Variants in TBK1 observed in about 807,000 individuals in gnomAD.
The protein encoded by TBK1 is TANK binding kinase 1.
A neutral mutation model predicts 99.9 loss-of-function variants in TBK1; 37 were observed. That is an observed-to-expected ratio of 0.37 (90% confidence interval 0.28 to 0.49). TBK1 has a LOEUF of 0.49. Among genes scored for constraint, TBK1 ranks in the 20% least tolerant of loss-of-function variants. The pLI is 0.98. For missense variants in TBK1, 644 were observed against 872.5 expected, an observed-to-expected ratio of 0.74 and a Z score of 3.30; for synonymous variants, 258 against 279.8, an observed-to-expected ratio of 0.92 and a Z score of 0.78.
chr12:64,490,436 C>G (rs1469132427), intron 13 of TBK1, among the ~76,000 whole-genome samples: 1 of 151,946 alleles, frequency 6.6e-6, no homozygotes, highest in Non-Finnish European at 1.5e-5. Context: ...TTAGAAACTT[C>G]TTTACAATAT....
chr12:64,480,660 A>G (rs903974456), intron 7 of TBK1, among the ~76,000 whole-genome samples: 1 of 152,232 alleles, frequency 6.6e-6, no homozygotes, highest in Admixed American at 6.5e-5. Flanking sequence ...ATTGTCATTT[A>G]AGAATCCTGT....
At chr12:64,497,621 C>CTTTTT in intron 18 of TBK1, 27 bp from the exon 19 acceptor site, 19 of 1,024,134 alleles carry the variant, frequency 1.9e-5, no homozygotes, top group Admixed American at 2.9e-5. Context: ...GGGTTTTTTT[C>CTTTTT]TTTTTTTTTT....
chr12:64,497,577 C>A, intron 18 of TBK1, 71 bp from the exon 19 acceptor site: 2 of 1,007,508 alleles, frequency 2.0e-6, no homozygotes, highest in South Asian at 3.2e-5. Context: ...GATGTCAGAT[C>A]TGTAGTAAGT....
chr12:64,454,672 C>CTTTTTTTTT (rs11358053), intron 1 of TBK1, among the ~76,000 whole-genome samples: 1 of 83,644 alleles, frequency 1.2e-5, no homozygotes, highest in Non-Finnish European at 2.1e-5. Flanking sequence ...AAACTCAGAT[C>CTTTTTTTTT]TTTTTTTTTT....
At chr12:64,499,921 C>T (rs1430936382) in intron 20 of TBK1, among the ~76,000 whole-genome samples, 1 of 152,056 alleles carries the variant, frequency 6.6e-6, no homozygotes, top group East Asian at 1.9e-4. Context: ...TGGTCTCAAT[C>T]TCTTGACCTC....
chr12:64,496,968 G>T lies in TBK1; in HGVS notation c.1780G>T (p.Ala594Ser). ...KFDKQKLYYH[A>S]TKAMTHFTDE... ...TTACAGGCAAAAACTGTATTACCAT[G>T]CCACAAAAGCTATGACGCACTTTAC... The change falls in exon 17 of 21, where the codon GCC becomes TCC. Residue 594 changes from alanine (A) to serine (S), a missense_variant. Around this residue, in one of 3 missense-constraint regions of TBK1, gnomAD observed 465 missense variants for 588.0 expected, o/e 0.79. Coordinates refer to ENST00000331710, the MANE Select transcript of TBK1 (RefSeq NM_013254.4). 6.2e-7 allele frequency: 1 copy of T among 1,612,422 alleles called. No homozygotes were observed. Among genetic ancestry groups the T allele is most frequent in the South Asian group, 1.1e-5 (1 of 90,802 alleles).
chr12:64,464,795 C>G (rs577122521), intron 4 of TBK1, among the ~76,000 whole-genome samples: 169 of 152,184 alleles, frequency 1.1e-3, no homozygotes, highest in African/African-American at 3.9e-3. Context: ...TTCGCATAGA[C>G]ATTTCTCCAA....
In TBK1 at chr12:64,495,333, C is replaced by G. The variant is rs554152978; in HGVS notation, c.1522-150C>G. The stretch of plus-strand genomic sequence containing the variant: ...CTGGTGGAAATCAACCTAAGAAACT[C>G]TTTTGTATTTAAAAATGGAAATAAT... On this transcript the variant is annotated intron_variant, in intron 13 of 20. Transcript: ENST00000331710. 695 of 1,006,250 alleles carry G rather than the reference C, an allele frequency of 6.9e-4. 1 individual carries two copies. Among genetic ancestry groups the G allele is most frequent in the Admixed American group, 8.9e-4 (34 of 38,266 alleles). 62.3% of individuals were successfully genotyped at this position (1,006,250 alleles called of 1,614,324 possible). A position where few individuals can be genotyped will look rare whatever the true frequency, so the allele number is the denominator to read the frequency against.
chr12:64,453,118 T>C (rs116870042), intron 1 of TBK1, among the ~76,000 whole-genome samples: 1 of 152,190 alleles, frequency 6.6e-6, no homozygotes, highest in Non-Finnish European at 1.5e-5. Context: ...TTGGGAAGAT[T>C]TATATGGCAA....
At chr12:64,483,542 G>A (rs927053636) in intron 8 of TBK1, among the ~76,000 whole-genome samples, 2 of 152,156 alleles carry the variant, frequency 1.3e-5, no homozygotes, top group Non-Finnish European at 2.9e-5. Context: ...ACAATTCTGT[G>A]AAGTGGGTAC....
intron 6 of TBK1, among the ~76,000 whole-genome samples, chr12:64,475,743 A>G (rs977044031): frequency 7.9e-5 from 12 of 152,128 alleles, no homozygotes; most frequent in African/African-American, 2.9e-4. Flanking sequence ...TGTGTACCAC[A>G]TTTTTGTTAT....
intron 13 of TBK1, among the ~76,000 whole-genome samples, chr12:64,495,045 T>C (rs2040911146): frequency 6.6e-6 from 1 of 152,238 alleles, no homozygotes; most frequent in South Asian, 2.1e-4. Flanking sequence ...CATTTTCTGT[T>C]TTTAAGAGGA....
chr12:64,488,729 C>T (rs1485589582), intron 12 of TBK1, 141 bp downstream of exon 12: 3 of 648,420 alleles, frequency 4.6e-6, no homozygotes, highest in East Asian at 3.3e-5. Flanking sequence ...CACGGTGGCT[C>T]ATGCCTGTAA....
At chr12:64,497,625 T>C (rs1565824950) in intron 18 of TBK1, 23 bp from the exon 19 acceptor site, 37 of 1,381,436 alleles carry the variant, frequency 2.7e-5, no homozygotes, top group Middle Eastern at 1.9e-4. Context: ...TTTTTTCTTT[T>C]TTTTTTTTTT....
chr12:64,485,368 A>T, intron 9 of TBK1, 87 bp from the exon 10 acceptor site: 2 of 573,938 alleles, frequency 3.5e-6, no homozygotes, highest in Admixed American at 3.7e-5. Context: ...ACTAATGTTT[A>T]ATTTAGACAT....
In TBK1 at chr12:64,454,991, C is replaced by CT. The variant is rs55853717; in HGVS notation, c.-31-835dup. Among the ~76,000 whole-genome samples the CT allele has an allele frequency of 2.4e-3, 257 of 107,528 alleles. 2 individuals carry two copies. The highest frequency in any genetic ancestry group is 0.012 in the South Asian group (42 of 3,390). The allele number at this position is 107,528 out of a possible 152,430, so 70.5% of individuals were successfully genotyped here. ...CGCGCCCGGCCAATTTTTTTTTTTT[C>CT]TTTTTTTTTTTTTTGCGATGGAGTC... On this transcript the variant is annotated intron_variant, in intron 1 of 20. Coordinates refer to ENST00000331710, the MANE Select transcript of TBK1 (RefSeq NM_013254.4).
At chr12:64,475,097 G>A (rs765149235) in intron 6 of TBK1, among the ~76,000 whole-genome samples, 14 of 152,252 alleles carry the variant, frequency 9.2e-5, no homozygotes, top group East Asian at 1.9e-4. Context: ...CAGCCTGGGC[G>A]ACAGAGTGAG....
At chr12:64,488,669 C>A in intron 12 of TBK1, 81 bp downstream of exon 12, 1 of 973,288 alleles carries the variant, frequency 1.0e-6, no homozygotes, top group Non-Finnish European at 1.5e-6. Flanking sequence ...TTATCCTTGG[C>A]ACAATATGGC....
chr12:64,482,561 G>C (rs2040777993), intron 8 of TBK1, among the ~76,000 whole-genome samples: 1 of 152,082 alleles, frequency 6.6e-6, no homozygotes, highest in Non-Finnish European at 1.5e-5. Context: ...TGATAAAACT[G>C]CATATAAAGT....
Sources: allele counts gnomAD v4.1 joint callset (sites outside exome capture counted in the v4.1 genomes callset), GRCh38; gene constraint gnomAD v4.1.1; regional missense constraint gnomAD v4.1.1; transcripts MANE v1.5; gene names NCBI Gene and HGNC (gene_info 2026-07-23, HGNC 2026-07-21).